LINGO2: variants seen among roughly 807,000 people sequenced by gnomAD.
LINGO2 encodes leucine-rich repeat and immunoglobulin-like domain-containing nogo receptor-interacting protein 2.
A neutral mutation model predicts 30.6 loss-of-function variants in LINGO2; 14 were observed. The ratio of observed to expected loss-of-function variants is 0.46; its 90% CI spans 0.30 to 0.72. The LOEUF (loss-of-function observed/expected upper bound fraction) is 0.72, where lower values mean the gene tolerates loss of function less well. Among genes scored for constraint, LINGO2 ranks in the 30% least tolerant of loss-of-function variants. LINGO2 has a pLI of 0.07. For missense variants in LINGO2, 729 were observed against 751.7 expected (o/e 0.97, Z 0.35); for synonymous variants, 317 against 288.5 (o/e 1.10, Z -1.00).
At chr9:28,901,769 T>C in the LINGO2 span, among the ~76,000 whole-genome samples, 2 of 150,760 alleles carry the variant, frequency 1.3e-5, no homozygotes, top group African/African-American at 2.4e-5. Context: ...CAAAGAAAGA[T>C]AGCAAGAGAG....
chr9:28,048,247 C>G (rs577539760), intron 4 of LINGO2, among the ~76,000 whole-genome samples: 12 of 150,850 alleles, frequency 8.0e-5, no homozygotes, highest in Non-Finnish European at 1.3e-4. Flanking sequence ...AGAAGAAACT[C>G]GGGAAACACA....
chr9:28,558,737 G>T (rs1822884016), intron 1 of LINGO2, among the ~76,000 whole-genome samples: 1 of 151,926 alleles, frequency 6.6e-6, no homozygotes, highest in South Asian at 2.1e-4. Context: ...CAGAAAGAAA[G>T]AAAGAAAAAA....
chr9:28,531,092 C>G (rs975015611), intron 1 of LINGO2, among the ~76,000 whole-genome samples: 8 of 149,250 alleles, frequency 5.4e-5, no homozygotes, highest in Non-Finnish European at 8.9e-5. Flanking sequence ...ATTAATAAGA[C>G]TGGCATCTTA....
At chr9:28,921,248 T>C in the LINGO2 span, among the ~76,000 whole-genome samples, 2 of 152,200 alleles carry the variant, frequency 1.3e-5, no homozygotes, top group South Asian at 2.1e-4. Flanking sequence ...AGGCACTGAC[T>C]ATCCAGAATC....
intron 1 of LINGO2, among the ~76,000 whole-genome samples, chr9:28,564,471 A>G (rs930342521): frequency 7.9e-5 from 12 of 152,094 alleles, no homozygotes; most frequent in African/African-American, 2.9e-4. Context: ...TACAGTTACA[A>G]CTAACCAAGT....
At chr9:28,875,954 A>C in the LINGO2 span, among the ~76,000 whole-genome samples, 5 of 152,140 alleles carry the variant, frequency 3.3e-5, no homozygotes, top group Non-Finnish European at 7.4e-5. Flanking sequence ...AGAGGTATTA[A>C]TCAATCAACT....
intron 5 of LINGO2, among the ~76,000 whole-genome samples, chr9:27,994,357 T>A (rs1027623966): frequency 2.0e-5 from 3 of 151,964 alleles, no homozygotes; most frequent in Admixed American, 6.6e-5. Flanking sequence ...TTAAAAAAAG[T>A]TAAACAAATT....
chr9:28,711,901 A>T, the LINGO2 span, among the ~76,000 whole-genome samples: 2 of 152,162 alleles, frequency 1.3e-5, no homozygotes, highest in African/African-American at 4.8e-5. Context: ...TAAGGCAATG[A>T]GTCTATTAAA....
chr9:28,612,894 G>C (rs1192393110), intron 1 of LINGO2, among the ~76,000 whole-genome samples: 2 of 152,126 alleles, frequency 1.3e-5, no homozygotes, highest in Non-Finnish European at 2.9e-5. Context: ...ATCTCATTTT[G>C]AATTTTAATT....
chr9:28,478,120 C>T (rs929904500), intron 1 of LINGO2, among the ~76,000 whole-genome samples: 9 of 152,088 alleles, frequency 5.9e-5, no homozygotes, highest in South Asian at 4.1e-4. Context: ...TATCTATTAT[C>T]GCTCCTCCTC....
At chr9:29,001,625 A>G in the LINGO2 span, among the ~76,000 whole-genome samples, 1 of 152,034 alleles carries the variant, frequency 6.6e-6, no homozygotes, top group African/African-American at 2.4e-5. Context: ...TTAATAATAT[A>G]TTAGTTTGGT....
At chr9:28,071,008 C>A (rs748638954) in intron 4 of LINGO2, among the ~76,000 whole-genome samples, 1 of 152,144 alleles carries the variant, frequency 6.6e-6, no homozygotes, top group Non-Finnish European at 1.5e-5. Flanking sequence ...AGCCACCATG[C>A]CTGGCCCCAG....
chr9:28,590,624 G>T (rs1306011770), intron 1 of LINGO2, among the ~76,000 whole-genome samples: 1 of 151,980 alleles, frequency 6.6e-6, no homozygotes, highest in African/African-American at 2.4e-5. Context: ...TCTCACACCA[G>T]TCAGAATGGC....
chr9:28,994,105 A>T, the LINGO2 span, among the ~76,000 whole-genome samples: 1 of 151,958 alleles, frequency 6.6e-6, no homozygotes, highest in Non-Finnish European at 1.5e-5. Flanking sequence ...ACATGATTGT[A>T]TATCTAGAAA....
chr9:28,881,920 T>G, the LINGO2 span, among the ~76,000 whole-genome samples: 1 of 152,232 alleles, frequency 6.6e-6, no homozygotes, highest in Non-Finnish European at 1.5e-5. Flanking sequence ...TGAAAACCTT[T>G]TTCTTATGTT....
At chr9:28,834,556 C>A in the LINGO2 span, among the ~76,000 whole-genome samples, 4 of 152,088 alleles carry the variant, frequency 2.6e-5, no homozygotes, top group African/African-American at 7.2e-5. Context: ...TATCCATCAA[C>A]AATTATAATT....
At chr9:28,093,243 G>T (rs1350390753) in intron 4 of LINGO2, among the ~76,000 whole-genome samples, 1 of 152,046 alleles carries the variant, frequency 6.6e-6, no homozygotes, top group Non-Finnish European at 1.5e-5. Flanking sequence ...TCTCCAGAAT[G>T]AAAGGACTCA....
intron 2 of LINGO2, among the ~76,000 whole-genome samples, chr9:28,464,950 C>T (rs1825235969): frequency 6.6e-6 from 1 of 152,176 alleles, no homozygotes; most frequent in Non-Finnish European, 1.5e-5. Context: ...TGCTCAAAAC[C>T]CTTGTGGGAG....
intron 4 of LINGO2, among the ~76,000 whole-genome samples, chr9:28,026,852 T>C (rs1563923261): frequency 6.6e-6 from 1 of 152,208 alleles, no homozygotes; most frequent in Non-Finnish European, 1.5e-5. Context: ...CAGATGTCAT[T>C]ATGACTAAAC....
Sources: allele counts gnomAD v4.1 joint callset (sites outside exome capture counted in the v4.1 genomes callset), GRCh38; gene constraint gnomAD v4.1.1; transcripts MANE v1.5; gene names NCBI Gene and HGNC (gene_info 2026-07-23, HGNC 2026-07-21).